The following CTNND2 variants were observed in gnomAD, a reference collection of about 807,000 sequenced individuals.
The protein encoded by CTNND2 is catenin delta 2.
In CTNND2, 22 loss-of-function variants were observed where a neutral mutation model predicts 144.4. That is an observed-to-expected ratio of 0.15 (90% confidence interval 0.11 to 0.22). The LOEUF (loss-of-function observed/expected upper bound fraction) is 0.22. Among genes scored for constraint, CTNND2 ranks in the 10% least tolerant of loss-of-function variants. The probability of loss-of-function intolerance (pLI) is 1.00; values close to 1 mark genes in which losing one functional copy is unlikely to be tolerated. For missense variants in CTNND2, 1,353 were observed against 1,618.8 expected (o/e 0.84, Z 2.82); for synonymous variants, 751 against 695.6 (o/e 1.08, Z -1.25).
chr5:11,015,017 A>G (rs1271630552), intron 18 of CTNND2, among the ~76,000 whole-genome samples: 1 of 152,160 alleles, frequency 6.6e-6, no homozygotes, highest in Admixed American at 6.5e-5. Flanking sequence ...ATAGTTTCAT[A>G]TTTCATCTTT....
intron 2 of CTNND2, among the ~76,000 whole-genome samples, chr5:11,691,314 G>C (rs1380486113): frequency 6.6e-6 from 1 of 151,880 alleles, no homozygotes; most frequent in East Asian, 1.9e-4. Context: ...GGAGCTTGCA[G>C]TGAGCCGAGA....
chr5:11,196,588 A>G (rs543828156), intron 11 of CTNND2, among the ~76,000 whole-genome samples: 3 of 152,306 alleles, frequency 2.0e-5, no homozygotes, highest in East Asian at 3.9e-4. Flanking sequence ...TAATTCCTAA[A>G]CAGATTTGCA....
intron 3 of CTNND2, among the ~76,000 whole-genome samples, chr5:11,417,883 G>A (rs763714553): frequency 2.1e-4 from 32 of 151,958 alleles, no homozygotes; most frequent in Non-Finnish European, 3.8e-4. Flanking sequence ...GCAAGACAAT[G>A]GAAACAGCCT....
rs190398171 is a variant in CTNND2 at position 11,659,946 on chromosome 5, A to T, written c.174+72190T>A. Among the ~76,000 whole-genome samples, 454 of 152,272 alleles carry T rather than the reference A, an allele frequency of 3.0e-3. 2 individuals are homozygous for T. Among genetic ancestry groups the T allele is most frequent in the Non-Finnish European group, 4.7e-3 (317 of 68,014 alleles). ...AATAGTATATACCACTTTGAAGAGA[A>T]TTGTAAACACTTAACGGGCTAGAAT... On this transcript the variant is annotated intron_variant, in intron 2 of 21. Transcript: ENST00000304623.
At chr5:11,428,639 T>C (rs932986109) in intron 3 of CTNND2, among the ~76,000 whole-genome samples, 7 of 152,226 alleles carry the variant, frequency 4.6e-5, no homozygotes, top group Admixed American at 2.0e-4. Context: ...AAAACAGGTG[T>C]TCACAAATGG....
intron 2 of CTNND2, among the ~76,000 whole-genome samples, chr5:11,721,031 C>T (rs559480127): frequency 2.6e-5 from 4 of 152,136 alleles, no homozygotes; most frequent in Non-Finnish European, 2.9e-5. Flanking sequence ...CACAGCAACA[C>T]TATTCCCAAT....
intron 9 of CTNND2, among the ~76,000 whole-genome samples, chr5:11,303,819 C>T (rs563561237): frequency 6.4e-4 from 97 of 152,234 alleles, no homozygotes; most frequent in African/African-American, 2.1e-3. Context: ...TGGCTGTGTC[C>T]CCACCCAAAT....
At chr5:11,610,030 T>A (rs1381830806) in intron 2 of CTNND2, among the ~76,000 whole-genome samples, 4 of 152,238 alleles carry the variant, frequency 2.6e-5, no homozygotes, top group Non-Finnish European at 5.9e-5. Flanking sequence ...ATTTGTTATG[T>A]TGATTTATGA....
intron 16 of CTNND2, among the ~76,000 whole-genome samples, chr5:11,048,807 T>G (rs1745541116): frequency 6.6e-6 from 1 of 152,220 alleles, no homozygotes; most frequent in Non-Finnish European, 1.5e-5. Flanking sequence ...AAAGACAGAA[T>G]TTGCCAGGTT....
At chr5:11,085,218 T>C (rs1157972122) in intron 15 of CTNND2, among the ~76,000 whole-genome samples, 2 of 152,208 alleles carry the variant, frequency 1.3e-5, no homozygotes, top group Non-Finnish European at 2.9e-5. Context: ...GTGGATGATA[T>C]AGAAACACAT....
intron 2 of CTNND2, among the ~76,000 whole-genome samples, chr5:11,640,449 C>A (rs1781942200): frequency 6.6e-6 from 1 of 152,150 alleles, no homozygotes; most frequent in African/African-American, 2.4e-5. Flanking sequence ...GGTACAAATC[C>A]TTGGCATGTA....
intron 9 of CTNND2, among the ~76,000 whole-genome samples, chr5:11,276,083 A>C (rs1472726759): frequency 6.6e-6 from 1 of 152,212 alleles, no homozygotes; most frequent in Non-Finnish European, 1.5e-5. Context: ...AAAACAAATA[A>C]ATCATACATC....
intron 1 of CTNND2, among the ~76,000 whole-genome samples, chr5:11,798,838 C>T (rs1369064070): frequency 2.0e-5 from 3 of 152,216 alleles, no homozygotes; most frequent in South Asian, 2.1e-4. Context: ...AAAAAAGTAA[C>T]GTTTTGTGTT....
intron 7 of CTNND2, among the ~76,000 whole-genome samples, chr5:11,369,173 T>C (rs1323468803): frequency 6.6e-6 from 1 of 152,232 alleles, no homozygotes; most frequent in Non-Finnish European, 1.5e-5. Flanking sequence ...GTGTGCTTTC[T>C]AATGGATTAT....
chr5:11,528,188 G>C (rs941385420), intron 3 of CTNND2, among the ~76,000 whole-genome samples: 2 of 152,096 alleles, frequency 1.3e-5, no homozygotes, highest in African/African-American at 2.4e-5. Flanking sequence ...AGTTGTACTT[G>C]GTGTCAAATG....
chr5:11,452,986 G>A (rs1765428434), intron 3 of CTNND2, among the ~76,000 whole-genome samples: 1 of 152,060 alleles, frequency 6.6e-6, no homozygotes, highest in Non-Finnish European at 1.5e-5. Flanking sequence ...AGTTCCTGTT[G>A]TGTTTGAAGT....
chr5:11,158,120 C>T (rs1361659481), intron 12 of CTNND2, among the ~76,000 whole-genome samples: 1 of 152,306 alleles, frequency 6.6e-6, no homozygotes, highest in South Asian at 2.1e-4. Context: ...TAGCCAGGTC[C>T]TTATTGATTA....
chr5:11,351,112 C>T (rs954524370), intron 8 of CTNND2, among the ~76,000 whole-genome samples: 12 of 152,180 alleles, frequency 7.9e-5, no homozygotes, highest in Non-Finnish European at 1.6e-4. Context: ...ATCAGTCACA[C>T]TATTAAAAGA....
intron 2 of CTNND2, among the ~76,000 whole-genome samples, chr5:11,712,962 C>T (rs1786119375): frequency 1.3e-5 from 2 of 152,184 alleles, no homozygotes; most frequent in Admixed American, 1.3e-4. Flanking sequence ...TTCATAGTAT[C>T]CTAGGGGTCA....
Sources: gnomAD v4.1 joint callset for allele counts (sites outside exome capture counted in the v4.1 genomes callset) on GRCh38, gnomAD v4.1.1 for gene constraint, MANE v1.5 for transcripts, NCBI Gene and HGNC (gene_info 2026-07-23, HGNC 2026-07-21) for gene names.